PIEZO2: variants seen among roughly 807,000 people sequenced by gnomAD.
The protein encoded by PIEZO2 is piezo type mechanosensitive ion channel component 2.
In PIEZO2, 172 loss-of-function variants were observed where a neutral mutation model predicts 337.3. The ratio of observed to expected loss-of-function variants is 0.51; its 90% CI spans 0.45 to 0.58. The LOEUF (loss-of-function observed/expected upper bound fraction) is 0.58. PIEZO2 is among the 20% of genes least tolerant of loss of function. The pLI, the probability that PIEZO2 is intolerant of heterozygous loss-of-function variation, is 0.00. For missense variants in PIEZO2, 3,028 were observed against 3,391.3 expected, an observed-to-expected ratio of 0.89 and a Z score of 2.66; for synonymous variants, 1,251 against 1,228.5, an observed-to-expected ratio of 1.02 and a Z score of -0.38.
rs1407727384 is a variant in PIEZO2, at chr18:10,878,281, C to G, written c.330-6866G>C. ...GCTCCAGGACATATCGCTGCCTCTT[C>G]AAATATTTGTTCTTTTCTTTTTATC... On this transcript the variant is annotated intron_variant, in intron 4 of 55. Coordinates refer to ENST00000674853, the MANE Select transcript of PIEZO2 (RefSeq NM_001378183.1). This position sits in a 1 kb window ranked among gnomAD's most constrained non-coding sequence, Gnocchi z 4.3. 6.6e-6 allele frequency among the ~76,000 whole-genome samples: 1 copy of G among 152,202 alleles called. No homozygotes were observed. Among genetic ancestry groups the G allele is most frequent in the East Asian group, 1.9e-4 (1 of 5,198 alleles).
chr18:10,921,105 G>T (rs560153636), intron 3 of PIEZO2, among the ~76,000 whole-genome samples: 1 of 152,176 alleles, frequency 6.6e-6, no homozygotes, highest in African/African-American at 2.4e-5. Flanking sequence ...TAAGAAAGAG[G>T]GAGTCAAATC....
chr18:10,792,833 A>C (rs2039450625), intron 13 of PIEZO2, among the ~76,000 whole-genome samples: 1 of 152,204 alleles, frequency 6.6e-6, no homozygotes, highest in African/African-American at 2.4e-5. Flanking sequence ...TTATGTTTAA[A>C]ATTTTGAGGA....
At position 10,903,998 on chromosome 18, in the gene PIEZO2, G is replaced by A. The variant is rs575664194; in HGVS notation, c.329+7188C>T. Among the ~76,000 whole-genome samples the A allele has an allele frequency of 1.1e-3, 166 of 152,320 alleles. No homozygotes were observed. Among genetic ancestry groups the A allele is most frequent in the Admixed American group, 5.0e-3 (77 of 15,300 alleles). On this transcript the variant is annotated intron_variant, in intron 4 of 55. Coordinates refer to ENST00000674853, the MANE Select transcript of PIEZO2 (RefSeq NM_001378183.1). This position sits in a 1 kb window ranked among gnomAD's most constrained non-coding sequence, Gnocchi z 4.1. ...CACCTGGTACACAGCAGCAGCAGCT[G>A]CTCCAAAAACATTTTCAAGTGATTG... is the stretch of plus-strand genomic sequence containing the variant.
chr18:11,030,322 G>A (rs2145757567), intron 2 of PIEZO2, among the ~76,000 whole-genome samples: 1 of 152,264 alleles, frequency 6.6e-6, no homozygotes, highest in South Asian at 2.1e-4. Flanking sequence ...TGAAGGTGTG[G>A]AATATCTGAT....
intron 2 of PIEZO2, among the ~76,000 whole-genome samples, chr18:11,043,240 AACGCAC>A (rs1568322957): frequency 1.4e-5 from 1 of 70,540 alleles, no homozygotes; most frequent in African/African-American, 5.0e-5. Context: ...CCTCCCTTTA[AACGCAC>A]ACACACACAC....
intron 42 of PIEZO2, among the ~76,000 whole-genome samples, chr18:10,703,661 G>A (rs2035434958): frequency 6.6e-6 from 1 of 151,980 alleles, no homozygotes; most frequent in Admixed American, 6.6e-5. Flanking sequence ...GGTCGTCCAG[G>A]CACCAAGAAT....
chr18:11,053,229 A>G (rs905507015), intron 2 of PIEZO2, among the ~76,000 whole-genome samples: 5 of 152,208 alleles, frequency 3.3e-5, no homozygotes, highest in African/African-American at 1.2e-4. Flanking sequence ...CAATTAATCT[A>G]AGTACTATGT....
intron 3 of PIEZO2, among the ~76,000 whole-genome samples, chr18:10,968,594 A>G (rs920619349): frequency 6.6e-6 from 1 of 151,010 alleles, no homozygotes; most frequent in African/African-American, 2.5e-5. Flanking sequence ...ATGTCCATTT[A>G]TAAAATAAGA....
chr18:10,803,350 G>A (rs1208961366), intron 9 of PIEZO2, among the ~76,000 whole-genome samples: 5 of 152,126 alleles, frequency 3.3e-5, no homozygotes, highest in Non-Finnish European at 7.4e-5. Context: ...TAAGCCCTCA[G>A]TAGATATGAA....
At chr18:10,787,963 C>CAT (rs59831673) in intron 15 of PIEZO2, among the ~76,000 whole-genome samples, 93 of 151,780 alleles carry the variant, frequency 6.1e-4, no homozygotes, top group East Asian at 3.5e-3. Flanking sequence ...ATGCACTATA[C>CAT]ATATATATAT....
intron 36 of PIEZO2, among the ~76,000 whole-genome samples, chr18:10,720,234 G>GCGTATATATATATATATATGTATATA (rs1555631512): frequency 1.7e-5 from 2 of 119,920 alleles, no homozygotes; most frequent in African/African-American, 6.7e-5. Flanking sequence ...GTGTGTGTGT[G>GCGTATATATATATATATATGTATATA]TATATATATA....
chr18:10,950,972 T>C (rs2033264990), intron 3 of PIEZO2, among the ~76,000 whole-genome samples: 1 of 152,204 alleles, frequency 6.6e-6, no homozygotes. Context: ...TCATACAAAT[T>C]GGGTCATTCT....
In PIEZO2 at chr18:10,943,354, G is replaced by C. The variant is rs2032825013; in HGVS notation, c.287-32126C>G. Among the ~76,000 whole-genome samples the C allele has an allele frequency of 6.6e-6, 1 of 152,166 alleles. No homozygotes were observed. Among genetic ancestry groups the C allele is most frequent in the Non-Finnish European group, 1.5e-5 (1 of 68,028 alleles). On this transcript the variant is annotated intron_variant, in intron 3 of 55. Coordinates refer to ENST00000674853, the MANE Select transcript of PIEZO2 (RefSeq NM_001378183.1). This position sits in a 1 kb window ranked among gnomAD's most constrained non-coding sequence, Gnocchi z 4.5. ...GAGGCTGTACCCTGCAAAGCCCCAGGGGTGGAGTTACCCAAGGCCGTGGGA... is the reference window on the plus strand; with the variant it reads ...GAGGCTGTACCCTGCAAAGCCCCAGCGGTGGAGTTACCCAAGGCCGTGGGA...
At position 10,943,147 on chromosome 18, in the gene PIEZO2, A is replaced by T. The variant is rs2032815150; in HGVS notation, c.287-31919T>A. Among the ~76,000 whole-genome samples the T allele has an allele frequency of 6.6e-6, 1 of 152,236 alleles. No individual in the cohort carries two copies. Among genetic ancestry groups the T allele is most frequent in the Non-Finnish European group, 1.5e-5 (1 of 68,036 alleles). On this transcript the variant is annotated intron_variant, in intron 3 of 55. Coordinates refer to ENST00000674853, the MANE Select transcript of PIEZO2 (RefSeq NM_001378183.1). The surrounding 1 kb of genome is among the most constrained non-coding windows in gnomAD (Gnocchi z 4.5). ...AGAACCTCTGCTAGGGCAGTGAGGA[A>T]GGGAAATGTGGAGTCAGAGCCATGA...
Position 10,761,025 on chromosome 18 carries a change from C to A in PIEZO2, c.3336G>T (p.Thr1112=). 6.5e-7 allele frequency: 1 copy of A among 1,536,768 alleles called. No homozygotes were observed. Among genetic ancestry groups the A allele is most frequent in the Non-Finnish European group, 8.7e-7 (1 of 1,146,496 alleles). ...GAAAGATAGTTCTAGACACAGGGGC[C>A]GTCAGGTTATTTCGACCTCGATAGT... ...QEYYRGRNNL[T]APVSRTIFHD... The change falls in exon 24 of 56, where the codon ACG becomes ACT. Residue 1112 remains threonine, a synonymous_variant. Transcript: ENST00000674853.
chr18:10,799,390 TGAGG>T (rs1366932244), intron 11 of PIEZO2, among the ~76,000 whole-genome samples: 1 of 152,180 alleles, frequency 6.6e-6, no homozygotes, highest in Non-Finnish European at 1.5e-5. Context: ...TTTGTAGAGG[TGAGG>T]GACTAGTGTT....
intron 2 of PIEZO2, among the ~76,000 whole-genome samples, chr18:11,065,792 G>A (rs1408860730): frequency 6.6e-6 from 1 of 152,132 alleles, no homozygotes; most frequent in East Asian, 1.9e-4. Context: ...ACAAATGTAT[G>A]TACCAATGTT....
intron 3 of PIEZO2, among the ~76,000 whole-genome samples, chr18:10,964,873 C>T (rs2033933924): frequency 6.6e-6 from 1 of 152,214 alleles, no homozygotes. Context: ...TGGTGTCTGG[C>T]TCCTTCACTT....
chr18:11,123,547 G>A (rs536816993), intron 1 of PIEZO2, among the ~76,000 whole-genome samples: 1 of 152,332 alleles, frequency 6.6e-6, no homozygotes, highest in East Asian at 1.9e-4. Flanking sequence ...GGTGGCTCAT[G>A]CCTGTAATCC....
Sources: gnomAD v4.1 joint callset for allele counts (sites outside exome capture counted in the v4.1 genomes callset) on GRCh38, gnomAD v4.1.1 for gene constraint, Gnocchi (gnomAD v3.1) non-coding constraint, MANE v1.5 for transcripts, NCBI Gene and HGNC (gene_info 2026-07-23, HGNC 2026-07-21) for gene names.